Variants in SLC25A26 observed in about 807,000 individuals in gnomAD.
SLC25A26 encodes the protein mitochondrial S-adenosylmethionine carrier protein.
In SLC25A26, 36 loss-of-function variants were observed where a neutral mutation model predicts 37.8. The ratio of observed to expected loss-of-function variants is 0.95; its 90% CI spans 0.73 to 1.26. SLC25A26 has a LOEUF of 1.26. Ranked by LOEUF, SLC25A26 falls within the 50% of genes most tolerant of loss-of-function variation. The pLI, the probability that SLC25A26 is intolerant of heterozygous loss-of-function variation, is 0.00. For synonymous variants in SLC25A26, 129 were observed against 122.5 expected, an observed-to-expected ratio of 1.05 and a Z score of -0.35; for missense variants, 390 against 331.1, an observed-to-expected ratio of 1.18 and a Z score of -1.38.
chr3:66,261,961 A>G (rs1263540679), intron 3 of SLC25A26, 90 bp from the exon 4 acceptor site: 2 of 717,320 alleles, frequency 2.8e-6, no homozygotes, highest in African/African-American at 1.8e-5. Flanking sequence ...TACATATTAT[A>G]CCTTTTTACT....
At chr3:66,376,970 C>G (rs995754588) in intron 9 of SLC25A26, among the ~76,000 whole-genome samples, 2 of 152,162 alleles carry the variant, frequency 1.3e-5, no homozygotes, top group Non-Finnish European at 2.9e-5. Context: ...TAATCATCCA[C>G]TGTATGTTTA....
At chr3:66,323,211 G>A (rs573792084) in intron 5 of SLC25A26, among the ~76,000 whole-genome samples, 20 of 152,276 alleles carry the variant, frequency 1.3e-4, no homozygotes, top group Non-Finnish European at 2.6e-4. Flanking sequence ...ATGGAAGAGA[G>A]AGGGTTAGTA....
intron 1 of SLC25A26, among the ~76,000 whole-genome samples, chr3:66,234,878 T>G (rs974279687): frequency 6.6e-6 from 1 of 152,216 alleles, no homozygotes; most frequent in African/African-American, 2.4e-5. Flanking sequence ...TTTGAATAGG[T>G]AATGTATTTA....
At chr3:66,309,985 G>A (rs1260797941) in intron 5 of SLC25A26, among the ~76,000 whole-genome samples, 3 of 152,136 alleles carry the variant, frequency 2.0e-5, no homozygotes, top group East Asian at 1.9e-4. Context: ...GTTGATTTGG[G>A]GTGGAGAGTT....
intron 1 of SLC25A26, among the ~76,000 whole-genome samples, chr3:66,202,648 A>T (rs2071126417): frequency 6.6e-6 from 1 of 152,172 alleles, no homozygotes; most frequent in Admixed American, 6.5e-5. Flanking sequence ...TTCAACAGCG[A>T]GAACTCCCAC....
chr3:66,206,657 A>G (rs2071181410), intron 1 of SLC25A26, among the ~76,000 whole-genome samples: 2 of 151,680 alleles, frequency 1.3e-5, no homozygotes, highest in South Asian at 4.2e-4. Flanking sequence ...AATAAAGAAG[A>G]TTTCAGTTAA....
intron 5 of SLC25A26, among the ~76,000 whole-genome samples, chr3:66,294,143 C>A (rs2074814265): frequency 6.6e-6 from 1 of 152,096 alleles, no homozygotes; most frequent in Non-Finnish European, 1.5e-5. Flanking sequence ...AATATTGATT[C>A]TTCCTACTCA....
chr3:66,203,056 T>A (rs945821233), intron 1 of SLC25A26, among the ~76,000 whole-genome samples: 8 of 152,196 alleles, frequency 5.3e-5, no homozygotes, highest in Non-Finnish European at 8.8e-5. Flanking sequence ...ATTAACTTAA[T>A]TGTAATTTCT....
At chr3:66,298,804 G>T (rs1157581929) in intron 5 of SLC25A26, among the ~76,000 whole-genome samples, 1 of 152,228 alleles carries the variant, frequency 6.6e-6, no homozygotes, top group Non-Finnish European at 1.5e-5. Flanking sequence ...ATTACAGGAT[G>T]ACGTTGCTAT....
At chr3:66,137,949 T>G (rs1406034938) in intron 1 of SLC25A26, among the ~76,000 whole-genome samples, 2 of 152,134 alleles carry the variant, frequency 1.3e-5, no homozygotes, top group African/African-American at 4.8e-5. Context: ...TTCTCCCACC[T>G]CAGCCTCCAG....
chr3:66,366,192 A>C (rs1182434162), intron 7 of SLC25A26, among the ~76,000 whole-genome samples: 2 of 152,240 alleles, frequency 1.3e-5, no homozygotes, highest in Non-Finnish European at 2.9e-5. Flanking sequence ...GATGCTTTGA[A>C]CACAAAAGCA....
intron 1 of SLC25A26, among the ~76,000 whole-genome samples, chr3:66,189,438 C>G (rs1322370495): frequency 1.3e-5 from 2 of 151,930 alleles, no homozygotes; most frequent in African/African-American, 4.8e-5. Flanking sequence ...TTACGCTTAA[C>G]CTCTCCCTGT....
At chr3:66,191,567 T>A (rs2106790693) in intron 1 of SLC25A26, among the ~76,000 whole-genome samples, 1 of 152,266 alleles carries the variant, frequency 6.6e-6, no homozygotes, top group Non-Finnish European at 1.5e-5. Context: ...AGGTATAGAC[T>A]GAATGTTTGT....
Position 66,236,626 on chromosome 3 carries a change from G to A in SLC25A26, c.116G>A (p.Gly39Glu), listed in dbSNP as rs1559600717. The A allele has an allele frequency of 3.9e-6, 6 of 1,529,430 alleles. No homozygotes were observed. The highest frequency in any genetic ancestry group is 5.3e-6 in the Non-Finnish European group (6 of 1,141,800). The allele number at this position is 1,529,430 out of a possible 1,614,324, so 94.7% of individuals were successfully genotyped here. The change falls in exon 2 of 10, where the codon GGA (glycine) becomes GAA (glutamate). Residue 39 changes from glycine to glutamate, a missense_variant. Physicochemically the swap from Gly to Glu is moderately conservative, Grantham distance 98 (BLOSUM62 -2). Transcript: ENST00000354883. ...TIKTRLQSPQGFSKAGGFHGI... is the reference protein window; with the variant it reads ...TIKTRLQSPQEFSKAGGFHGI... ...AAAACCAGGCTGCAGAGTCCCCAAG[G>A]ATTTAGTAAGGCTGGTGGTTTTCAT...
At position 66,378,653 on chromosome 3, in the gene SLC25A26, A is replaced by ATGTC. The variant is rs1245123210; in HGVS notation, c.*847_*850dup. 2.6e-5 allele frequency: 4 copies of ATGTC among 152,558 alleles called. No individual in the cohort carries two copies. Among genetic ancestry groups the ATGTC allele is most frequent in the Admixed American group, 2.6e-4 (4 of 15,300 alleles). The allele number at this position is 152,558 out of a possible 1,614,324, so 9.5% of individuals were successfully genotyped here. ...CAGGTGTAGAAAAATTCAAAACAAA[A>ATGTC]TGTCAGGAATCTAGCAGTGTTGTCT... On this transcript the variant is annotated 3_prime_UTR_variant, in exon 10 of 10. Coordinates refer to ENST00000354883, the MANE Select transcript of SLC25A26 (RefSeq NM_001379210.1).
intron 1 of SLC25A26, among the ~76,000 whole-genome samples, chr3:66,194,626 C>T (rs1464302567): frequency 1.3e-5 from 2 of 152,140 alleles, no homozygotes; most frequent in African/African-American, 4.8e-5. Flanking sequence ...TTTTTTGAGA[C>T]GGAGTTACGC....
At chr3:66,343,042 A>C (rs1429648795) in intron 5 of SLC25A26, among the ~76,000 whole-genome samples, 1 of 152,232 alleles carries the variant, frequency 6.6e-6, no homozygotes, top group Non-Finnish European at 1.5e-5. Flanking sequence ...AAAACATTTT[A>C]GAATAACAGC....
chr3:66,366,389 C>T lies in SLC25A26; in HGVS notation c.569-3089C>T, dbSNP rs913113187. 3.3e-5 allele frequency among the ~76,000 whole-genome samples: 5 copies of T among 152,280 alleles called. No homozygotes were observed. In the South Asian group the frequency reaches 8.3e-4, roughly 25 times the overall value. The stretch of plus-strand genomic sequence containing the variant: ...TTCTATTCTATTATCTTCACAAGTC[C>T]TCCTTACAGCCTTACAAAAGCATTG... On this transcript the variant is annotated intron_variant, in intron 7 of 9. Coordinates refer to ENST00000354883, the MANE Select transcript of SLC25A26 (RefSeq NM_001379210.1).
In SLC25A26 at chr3:66,221,042, T is replaced by A; in HGVS notation, c.-53T>A. The A allele has an allele frequency of 2.6e-6, 4 of 1,532,798 alleles. No homozygotes were observed. The highest frequency in any genetic ancestry group is 3.5e-6 in the Non-Finnish European group (4 of 1,143,422). The allele number at this position is 1,532,798 out of a possible 1,614,324, so 94.9% of individuals were successfully genotyped here. On this transcript the variant is annotated 5_prime_UTR_variant, in exon 1 of 10. Coordinates refer to ENST00000354883, the MANE Select transcript of SLC25A26 (RefSeq NM_001379210.1). The stretch of plus-strand genomic sequence containing the variant: ...TGGCGGCGCCCAGCGCGCGAGGACG[T>A]GATCCGCTTCTGCTCCGGCTTGGAT...
Sources: allele counts gnomAD v4.1 joint callset (sites outside exome capture counted in the v4.1 genomes callset), GRCh38; gene constraint gnomAD v4.1.1; transcripts MANE v1.5; gene names NCBI Gene and HGNC (gene_info 2026-07-23, HGNC 2026-07-21).